The following DNM2 variants were observed in gnomAD, a reference collection of about 807,000 sequenced individuals.
The protein encoded by DNM2 is dynamin 2.
Under a neutral mutation model 99.0 loss-of-function variants are expected in DNM2, and 15 were observed. That is an observed-to-expected ratio of 0.15 (90% CI 0.10 to 0.23). DNM2 has a LOEUF of 0.23. Among genes scored for constraint, DNM2 ranks in the 10% least tolerant of loss-of-function variants. DNM2 has a pLI of 1.00. For missense variants in DNM2, 742 were observed against 1,189.4 expected (o/e 0.62, Z 5.53); for synonymous variants, 525 against 481.2 (o/e 1.09, Z -1.19).
At position 10,819,743 on chromosome 19, in the gene DNM2, C is replaced by T. The variant is rs574596591; in HGVS notation, c.1672-237C>T. On this transcript the variant is annotated intron_variant, in intron 15 of 20. Coordinates refer to ENST00000389253, the MANE Select transcript of DNM2 (RefSeq NM_001005361.3). ...TGTCAGGATCAGGCAGTAGCCCGGTCGTCCGAAGGCCCTGGGGTAGGAACC... is the reference window on the plus strand; with the variant it reads ...TGTCAGGATCAGGCAGTAGCCCGGTTGTCCGAAGGCCCTGGGGTAGGAACC... 4.0e-4 allele frequency among the ~76,000 whole-genome samples: 61 copies of T among 152,206 alleles called. 2 individuals carry two copies. In the South Asian group the frequency reaches 0.012, roughly 31 times the overall value.
At chr19:10,742,691 T>C (rs940239256) in intron 1 of DNM2, among the ~76,000 whole-genome samples, 9 of 152,070 alleles carry the variant, frequency 5.9e-5, no homozygotes, top group African/African-American at 2.2e-4. Context: ...GTGACCGGGA[T>C]GGTGCCTGGC....
At chr19:10,776,047 C>T (rs1439468167) in intron 4 of DNM2, 141 bp downstream of exon 4, 2 of 1,094,000 alleles carry the variant, frequency 1.8e-6, no homozygotes, top group East Asian at 5.2e-5. Context: ...ATGGCACTTC[C>T]TCCGAGAACC....
At chr19:10,799,118 T>C (rs1016081515) in intron 11 of DNM2, among the ~76,000 whole-genome samples, 2 of 152,182 alleles carry the variant, frequency 1.3e-5, no homozygotes, top group Admixed American at 1.3e-4. Flanking sequence ...TCCCAGTTAC[T>C]TGGGAGGGTG....
At chr19:10,776,176 C>A (rs1008161988) in intron 4 of DNM2, among the ~76,000 whole-genome samples, 5 of 152,170 alleles carry the variant, frequency 3.3e-5, no homozygotes, top group African/African-American at 1.2e-4. Context: ...AAGGAAGGGC[C>A]CAGCGCTCCA....
At chr19:10,828,612 A>G (rs1208591250) in intron 18 of DNM2, among the ~76,000 whole-genome samples, 2 of 151,690 alleles carry the variant, frequency 1.3e-5, no homozygotes, top group Non-Finnish European at 2.9e-5. Flanking sequence ...CAAAAAAGAT[A>G]TAACAGGATT....
intron 1 of DNM2, among the ~76,000 whole-genome samples, chr19:10,758,645 C>G: frequency 6.7e-6 from 1 of 149,244 alleles, no homozygotes; most frequent in African/African-American, 2.5e-5. Context: ...CTCCTGGGTT[C>G]AAGCGATTCT....
intron 18 of DNM2, among the ~76,000 whole-genome samples, chr19:10,827,626 C>G (rs1402715329): frequency 6.6e-6 from 1 of 151,672 alleles, no homozygotes; most frequent in African/African-American, 2.4e-5. Flanking sequence ...AATCCCAGCA[C>G]TTTGGGAGGC....
chr19:10,830,895 C>A lies in DNM2; in HGVS notation c.2544-83C>A. 1.3e-6 allele frequency: 2 copies of A among 1,489,338 alleles called. No individual in the cohort carries two copies. Among genetic ancestry groups the A allele is most frequent in the Admixed American group, 2.2e-5 (1 of 46,418 alleles). 92.3% of individuals were successfully genotyped at this position (1,489,338 alleles called of 1,614,324 possible). On this transcript the variant is annotated intron_variant, in intron 20 of 20. Transcript: ENST00000389253. The surrounding 1 kb of genome is among the most constrained non-coding windows in gnomAD (Gnocchi z 4.8). ...CCCTGGGGTGGTGTGTGGGTGGGGG[C>A]TGGGTCCTCAACCCAGGCCTGCCTC...
intron 2 of DNM2, among the ~76,000 whole-genome samples, chr19:10,770,367 G>A (rs1335391807): frequency 1.3e-5 from 2 of 152,104 alleles, no homozygotes; most frequent in African/African-American, 2.4e-5. Flanking sequence ...GGTGGGTCAG[G>A]TCTCTGACCT....
intron 3 of DNM2, among the ~76,000 whole-genome samples, chr19:10,774,034 C>A (rs991254123): frequency 2.0e-5 from 3 of 152,332 alleles, no homozygotes; most frequent in African/African-American, 7.2e-5. Context: ...ATTTGTTTTT[C>A]AATAAATGAC....
intron 3 of DNM2, among the ~76,000 whole-genome samples, chr19:10,774,828 G>A (rs1488879469): frequency 6.7e-6 from 1 of 149,718 alleles, no homozygotes; most frequent in Non-Finnish European, 1.5e-5. Flanking sequence ...CCAAGCTGGA[G>A]TACAGTGGTG....
chr19:10,721,492 A>C (rs1309586501), intron 1 of DNM2, among the ~76,000 whole-genome samples: 1 of 152,094 alleles, frequency 6.6e-6, no homozygotes, highest in Non-Finnish European at 1.5e-5. Flanking sequence ...TGAAAGCCAA[A>C]GTTGTAAAAA....
intron 1 of DNM2, among the ~76,000 whole-genome samples, chr19:10,734,368 G>T (rs1360155264): frequency 2.0e-4 from 30 of 150,276 alleles, no homozygotes; most frequent in African/African-American, 6.9e-4. Context: ...AGGAAGGGAG[G>T]CCAGGTACAG....
chr19:10,739,861 CAAAA>C (rs59755624), intron 1 of DNM2, among the ~76,000 whole-genome samples: 1 of 32,642 alleles, frequency 3.1e-5, no homozygotes, highest in Non-Finnish European at 5.8e-5. Context: ...CTCTCTCTCT[CAAAA>C]AAAAAAAAAA....
At chr19:10,806,393 G>T (rs1216616734) in intron 13 of DNM2, among the ~76,000 whole-genome samples, 1 of 152,038 alleles carries the variant, frequency 6.6e-6, no homozygotes, top group Non-Finnish European at 1.5e-5. Context: ...GGAGTGGTGG[G>T]CTCATGCCTA....
chr19:10,719,589 C>G (rs1453160208), intron 1 of DNM2, among the ~76,000 whole-genome samples: 2 of 152,190 alleles, frequency 1.3e-5, no homozygotes, highest in South Asian at 4.1e-4. Context: ...ACCTCTCCCT[C>G]CCACCAACCC....
chr19:10,735,809 C>T (rs986926731), intron 1 of DNM2, among the ~76,000 whole-genome samples: 6 of 152,126 alleles, frequency 3.9e-5, no homozygotes, highest in East Asian at 1.9e-4. Flanking sequence ...CCACTGTGCC[C>T]GGCCTTTTCT....
At chr19:10,799,859 C>T (rs555015097) in intron 11 of DNM2, among the ~76,000 whole-genome samples, 66 of 150,500 alleles carry the variant, frequency 4.4e-4, no homozygotes, top group Admixed American at 1.9e-3. Context: ...TAACATTTAA[C>T]GCTTTCTTGC....
chr19:10,793,641 C>T, intron 7 of DNM2, 79 bp from the exon 8 acceptor site: 2 of 1,612,796 alleles, frequency 1.2e-6, no homozygotes, highest in Non-Finnish European at 1.7e-6. Flanking sequence ...AACAGTAAAC[C>T]CTGGCTTGAC....
Sources: allele counts gnomAD v4.1 joint callset (sites outside exome capture counted in the v4.1 genomes callset), GRCh38; gene constraint gnomAD v4.1.1; non-coding constraint Gnocchi (gnomAD v3.1); transcripts MANE v1.5; gene names NCBI Gene and HGNC (gene_info 2026-07-23, HGNC 2026-07-21).